The following PIP4K2A variants were observed in gnomAD, a reference collection of about 807,000 sequenced individuals.
PIP4K2A encodes the protein phosphatidylinositol 5-phosphate 4-kinase type-2 alpha.
Under a neutral mutation model 42.9 loss-of-function variants are expected in PIP4K2A, and 14 were observed. The ratio of observed to expected loss-of-function variants is 0.33; its 90% CI spans 0.22 to 0.51. The LOEUF is 0.51. PIP4K2A is among the 20% of genes least tolerant of loss of function. The pLI, the probability that PIP4K2A is intolerant of heterozygous loss-of-function variation, is 0.97. For synonymous variants in PIP4K2A, 192 were observed against 192.2 expected (o/e 1.00, Z 0.01); for missense variants, 434 against 519.8 (o/e 0.83, Z 1.61).
intron 1 of PIP4K2A, among the ~76,000 whole-genome samples, chr10:22,669,946 G>T (rs1428949041): frequency 6.6e-6 from 1 of 152,154 alleles, no homozygotes; most frequent in East Asian, 1.9e-4. Flanking sequence ...ACCTCATCTG[G>T]ACATTATGGG....
Position 22,535,467 on chromosome 10 carries a change from A to C in PIP4K2A, c.*1734T>G, listed in dbSNP as rs940672155. On this transcript the variant is annotated 3_prime_UTR_variant, in exon 10 of 10. Transcript: ENST00000376573. ...GGCTTCCAAAGACTCTGTGAACTAG[A>C]TCCACATACACGGGGCACAGCTGCA... 8 of 152,218 alleles carry C rather than the reference A, an allele frequency of 5.3e-5. No homozygotes were observed. Among genetic ancestry groups the C allele is most frequent in the Admixed American group, 3.9e-4 (6 of 15,282 alleles). 9.4% of individuals were successfully genotyped at this position (152,218 alleles called of 1,614,324 possible). A position where few individuals can be genotyped will look rare whatever the true frequency, so the allele number is the denominator to read the frequency against.
At chr10:22,579,738 G>A (rs538157422) in intron 4 of PIP4K2A, among the ~76,000 whole-genome samples, 2 of 151,912 alleles carry the variant, frequency 1.3e-5, no homozygotes, top group African/African-American at 2.4e-5. Context: ...GTGAAACCCC[G>A]CCTCTACTAA....
rs549762326 is a variant in PIP4K2A at position 22,606,354 on chromosome 10, G to A, written c.339+1573C>T. Among the ~76,000 whole-genome samples, 4 of 152,192 alleles carry A rather than the reference G, an allele frequency of 2.6e-5. No individual in the cohort carries two copies. The South Asian group carries it at 6.2e-4, about 24-fold the overall frequency. On this transcript the variant is annotated intron_variant, in intron 3 of 9. Transcript: ENST00000376573. ...CCCTAACAGGAGTGTTGGCTCCCAC[G>A]CAGTTTTAATAGCAGATGAGCAACC...
At chr10:22,659,349 C>A (rs1340619825) in intron 1 of PIP4K2A, among the ~76,000 whole-genome samples, 1 of 152,188 alleles carries the variant, frequency 6.6e-6, no homozygotes, top group Non-Finnish European at 1.5e-5. Context: ...AATCCCAACA[C>A]TTTGGGAGGC....
intron 1 of PIP4K2A, among the ~76,000 whole-genome samples, chr10:22,678,684 G>T (rs1403604565): frequency 6.6e-6 from 1 of 152,102 alleles, no homozygotes; most frequent in African/African-American, 2.4e-5. Context: ...ACAAATCTTG[G>T]TACTTAGATT....
intron 1 of PIP4K2A, among the ~76,000 whole-genome samples, chr10:22,618,812 C>T (rs577887385): frequency 2.0e-5 from 3 of 152,322 alleles, no homozygotes; most frequent in South Asian, 2.1e-4. Context: ...GCAATACCTA[C>T]GACCTCTCCT....
At chr10:22,585,847 C>T (rs1028819824) in intron 4 of PIP4K2A, among the ~76,000 whole-genome samples, 1 of 152,252 alleles carries the variant, frequency 6.6e-6, no homozygotes, top group Middle Eastern at 3.4e-3. Flanking sequence ...CCGTCCACCT[C>T]GGCCTCCCAA....
At chr10:22,556,452 G>A (rs1536334) in intron 6 of PIP4K2A, among the ~76,000 whole-genome samples, 4,821 of 152,142 alleles carry the variant, frequency 0.032, 209 homozygotes, top group Admixed American at 0.1. Context: ...AAATTGGACT[G>A]GTTAAATTCC....
chr10:22,576,657 T>C (rs556628084), intron 4 of PIP4K2A, among the ~76,000 whole-genome samples: 3 of 152,342 alleles, frequency 2.0e-5, no homozygotes, highest in Middle Eastern at 3.4e-3. Flanking sequence ...AACGATTAAA[T>C]GAGTTAGTTA....
In PIP4K2A at chr10:22,602,403, AAAAAGAAAAG is replaced by A. The variant is rs551858669; in HGVS notation, c.339+5514_339+5523del. ...AGTGAAACTCTGTCTATAAAAAAAA[AAAAAGAAAAG>A]AAAAGAAAAGAAAGAAAGAAAAAGA... On this transcript the variant is annotated intron_variant, in intron 3 of 9. Coordinates refer to ENST00000376573, the MANE Select transcript of PIP4K2A (RefSeq NM_005028.5). Among the ~76,000 whole-genome samples, 7 of 151,714 alleles carry A rather than the reference AAAAAGAAAAG, an allele frequency of 4.6e-5. No individual in the cohort carries two copies. In the Middle Eastern group the frequency reaches 0.01, roughly 221 times the overall value.
At chr10:22,538,110 A>G (rs1230756155) in intron 9 of PIP4K2A, among the ~76,000 whole-genome samples, 1 of 152,234 alleles carries the variant, frequency 6.6e-6, no homozygotes, top group Non-Finnish European at 1.5e-5. Flanking sequence ...CTAAGTGAGC[A>G]TGTGCTGTTT....
intron 5 of PIP4K2A, among the ~76,000 whole-genome samples, chr10:22,569,649 GTGTGTCTGTGTGTGTGTGTGTCTGTC>G (rs1458680331): frequency 2.0e-5 from 3 of 152,190 alleles, no homozygotes; most frequent in African/African-American, 7.2e-5. Context: ...CTTGGGGTGT[GTGTGTCTGTGTGTGTGTGTGTCTGTC>G]TGTGTCTGTG....
Position 22,622,052 on chromosome 10 carries a change from A to C in PIP4K2A, c.145-12335T>G, listed in dbSNP as rs1033420620. On this transcript the variant is annotated intron_variant, in intron 1 of 9. Coordinates refer to ENST00000376573, the MANE Select transcript of PIP4K2A (RefSeq NM_005028.5). ...CTCTTTTCCTTCCAGAAGCTCTGCT[A>C]AGATGACAGTAAAGGAAGTTAGAGA... Among the ~76,000 whole-genome samples the C allele has an allele frequency of 7.9e-5, 12 of 152,360 alleles. No individual in the cohort carries two copies. In the South Asian group the frequency reaches 2.5e-3, roughly 32 times the overall value.
intron 4 of PIP4K2A, among the ~76,000 whole-genome samples, chr10:22,580,185 T>C (rs1350321433): frequency 6.6e-6 from 1 of 151,980 alleles, no homozygotes; most frequent in Non-Finnish European, 1.5e-5. Context: ...TAATTAATAA[T>C]GCTGCAGTGT....
intron 6 of PIP4K2A, among the ~76,000 whole-genome samples, chr10:22,564,387 T>A (rs1002906307): frequency 6.6e-6 from 1 of 152,076 alleles, no homozygotes; most frequent in Non-Finnish European, 1.5e-5. Context: ...AGGAAAAAAA[T>A]CCTGCTAGTG....
At chr10:22,638,912 GTCT>G (rs138747316) in intron 1 of PIP4K2A, among the ~76,000 whole-genome samples, 12,124 of 152,156 alleles carry the variant, frequency 0.08, 646 homozygotes, top group Middle Eastern at 0.2. Context: ...ACTTGTTAAA[GTCT>G]TCTTCAGACA....
At chr10:22,713,237 T>C (rs1457656823) in intron 1 of PIP4K2A, among the ~76,000 whole-genome samples, 1 of 152,190 alleles carries the variant, frequency 6.6e-6, no homozygotes, top group African/African-American at 2.4e-5. Flanking sequence ...CGAACCGCAG[T>C]CCGCATAGCC....
chr10:22,573,858 A>G (rs1016412471), intron 4 of PIP4K2A, among the ~76,000 whole-genome samples: 7 of 152,234 alleles, frequency 4.6e-5, no homozygotes, highest in African/African-American at 1.7e-4. Context: ...CCTGGCTGCT[A>G]AAATAGCTTC....
chr10:22,650,151 C>G (rs763304818), intron 1 of PIP4K2A, among the ~76,000 whole-genome samples: 1 of 152,228 alleles, frequency 6.6e-6, no homozygotes, highest in South Asian at 2.1e-4. Flanking sequence ...TTGTGGGCCA[C>G]TCCCTTAGGG....
Sources: allele counts gnomAD v4.1 joint callset (sites outside exome capture counted in the v4.1 genomes callset), GRCh38; gene constraint gnomAD v4.1.1; transcripts MANE v1.5; gene names NCBI Gene and HGNC (gene_info 2026-07-23, HGNC 2026-07-21).